The following CAPN3 variants were observed in gnomAD, a reference collection of about 807,000 sequenced individuals.
CAPN3 encodes calpain 3.
A neutral mutation model predicts 114.0 loss-of-function variants in CAPN3; 88 were observed. The ratio of observed to expected loss-of-function variants is 0.77; its 90% confidence interval spans 0.65 to 0.92. The LOEUF (loss-of-function observed/expected upper bound fraction) is 0.92, where lower values mean the gene tolerates loss of function less well. Ranked by LOEUF, CAPN3 falls within the 40% of genes least tolerant of loss-of-function variation. The pLI is 0.00. For synonymous variants in CAPN3, 386 were observed against 382.9 expected, an observed-to-expected ratio of 1.01 and a Z score of -0.09; for missense variants, 1,028 against 1,069.0, an observed-to-expected ratio of 0.96 and a Z score of 0.53.
chr15:42,401,548 T>C, intron 10 of CAPN3, 93 bp from the exon 11 acceptor site: 1 of 904,348 alleles, frequency 1.1e-6, no homozygotes, highest in South Asian at 1.3e-5. Context: ...CACCTAGATG[T>C]AGGGAATAGA....
intron 1 of CAPN3, among the ~76,000 whole-genome samples, chr15:42,383,701 C>T (rs1371942051): frequency 1.3e-5 from 2 of 151,796 alleles, no homozygotes; most frequent in African/African-American, 2.4e-5. Flanking sequence ...GTCTCAGCCT[C>T]CCAAGTAGCT....
At chr15:42,409,244 C>A in intron 16 of CAPN3, 59 bp from the exon 17 acceptor site, 1 of 1,535,754 alleles carries the variant, frequency 6.5e-7, no homozygotes, top group Non-Finnish European at 9.0e-7. Context: ...GAGGAGCTTG[C>A]CTCACAGGCC....
At chr15:42,387,726 GA>G (rs1246846782) in intron 3 of CAPN3, 26 bp from the exon 4 acceptor site, 1 of 1,614,134 alleles carries the variant, frequency 6.2e-7, no homozygotes, top group Non-Finnish European at 8.5e-7. Flanking sequence ...TTGAGTATGT[GA>G]CTCTGTGCGT....
Position 42,412,296 on chromosome 15 carries a change from A to G in CAPN3, c.*523A>G. 1 of 1,025,172 alleles carries G rather than the reference A, an allele frequency of 9.8e-7. No individual in the cohort carries two copies. The highest frequency in any genetic ancestry group is 2.6e-5 in the East Asian group (1 of 38,458). The allele number at this position is 1,025,172 out of a possible 1,614,324, so 63.5% of individuals were successfully genotyped here. On this transcript the variant is annotated 3_prime_UTR_variant, in exon 24 of 24. Transcript: ENST00000397163. ...CATTTTGAAAAAAGCTGATCTAAATAAAGGCATGTGTATGGCTGGTCCCCT... is the reference window on the plus strand; with the variant it reads ...CATTTTGAAAAAAGCTGATCTAAATGAAGGCATGTGTATGGCTGGTCCCCT...
chr15:42,388,975 C>A lies in CAPN3; in HGVS notation c.680C>A (p.Ala227Asp). The change falls in exon 5 of 24, where the codon GCC (alanine) becomes GAC (aspartate). Residue 227 changes from alanine (A) to aspartate (D), a missense_variant. Physicochemically the swap from Ala to Asp is moderately radical, Grantham distance 126 (BLOSUM62 -2). Transcript: ENST00000397163. ...EALKGGNTTEAMEDFTGGVAE... is the reference protein window; with the variant it reads ...EALKGGNTTEDMEDFTGGVAE... ...CTGAAAGGTGGGAACACCACAGAGG[C>A]CATGGAGGACTTCACAGGAGGGGTG... is the stretch of plus-strand genomic sequence containing the variant. 1 of 1,614,012 alleles carries A rather than the reference C, an allele frequency of 6.2e-7. No homozygotes were observed. Among genetic ancestry groups the A allele is most frequent in the South Asian group, 1.1e-5 (1 of 91,068 alleles).
intron 19 of CAPN3, 114 bp from the exon 20 acceptor site, chr15:42,410,314 G>A: frequency 2.1e-6 from 2 of 954,130 alleles, no homozygotes; most frequent in African/African-American, 1.6e-5. Flanking sequence ...TGGAGGGGAG[G>A]GTTAAATAGT....
chr15:42,387,869 G>A lies in CAPN3; in HGVS notation c.615G>A (p.Leu205=), dbSNP rs775983864. ...NHRNEFWSAL[L]EKAYAKLHGS... Reference sequence around the variant, plus strand: ...GCAATGAGTTCTGGAGTGCTCTGCTGGAGAAGGCTTATGCTAAGTAAGCAA... The same window carrying A: ...GCAATGAGTTCTGGAGTGCTCTGCTAGAGAAGGCTTATGCTAAGTAAGCAA... The change falls in exon 4 of 24, where the codon CTG becomes CTA. Residue 205 remains leucine (L), a synonymous_variant. Transcript: ENST00000397163. The A allele has an allele frequency of 1.2e-6, 2 of 1,614,176 alleles. No individual in the cohort carries two copies. Among genetic ancestry groups the A allele is most frequent in the South Asian group, 1.1e-5 (1 of 91,082 alleles).
chr15:42,396,848 G>C lies in CAPN3; in HGVS notation c.1164G>C (p.Gln388His). Reference protein sequence around the residue: ...FVDKDEKARLQHQVTEDGEFW... With the variant: ...FVDKDEKARLHHQVTEDGEFW... Reference sequence around the variant, plus strand: ...ACAAAGATGAGAAGGCCCGTCTGCAGCACCAGGTCACTGAGGATGGAGAGT... The same window carrying C: ...ACAAAGATGAGAAGGCCCGTCTGCACCACCAGGTCACTGAGGATGGAGAGT... The change falls in exon 9 of 24, where the codon CAG becomes CAC. Residue 388 changes from glutamine to histidine, a missense_variant. Gln to His is a conservative substitution (Grantham distance 24, BLOSUM62 0). Transcript: ENST00000397163. 6.2e-7 allele frequency: 1 copy of C among 1,613,992 alleles called. No individual in the cohort carries two copies. The highest frequency in any genetic ancestry group is 1.1e-5 in the South Asian group (1 of 91,086).
Position 42,408,231 on chromosome 15 carries a change from C to G in CAPN3, c.1821C>G (p.Asp607Glu). 6.2e-7 allele frequency: 1 copy of G among 1,613,474 alleles called. No individual in the cohort carries two copies. The highest frequency in any genetic ancestry group is 8.5e-7 in the Non-Finnish European group (1 of 1,179,622). The stretch of plus-strand genomic sequence containing the variant: ...TCCAGCCCATCATCTTCGTTTCGGA[C>G]AGAGCAAACAGCAACAAGGAGCTGG... The part of the protein sequence containing the change: ...KKTKPIIFVS[D>E]RANSNKELGV... The change falls in exon 16 of 24, where the codon GAC (aspartate) becomes GAG (glutamate). Residue 607 changes from aspartate (D) to glutamate (E), a missense_variant. Physicochemically the swap from Asp to Glu is conservative, Grantham distance 45. Transcript: ENST00000397163.
intron 2 of CAPN3, chr15:42,385,531 CAGAGAGAG>C (rs751078121): frequency 2.1e-4 from 75 of 361,042 alleles, no homozygotes; most frequent in South Asian, 3.0e-4. Flanking sequence ...TATACACACA[CAGAGAGAG>C]AGAGAGAGAG....
intron 1 of CAPN3, among the ~76,000 whole-genome samples, chr15:42,363,864 T>A (rs904531520): frequency 6.6e-6 from 1 of 152,246 alleles, no homozygotes; most frequent in East Asian, 1.9e-4. Flanking sequence ...GATCTCCCAG[T>A]TAGTGAGGGT....
chr15:42,408,314 A>G lies in CAPN3; in HGVS notation c.1904A>G (p.Gln635Arg). The stretch of plus-strand genomic sequence containing the variant: ...AAAACAAGCCCTGATAAGCAAAAGC[A>G]GTCCCCACAGGTGTCTGGGCATGTG... ...KGKTSPDKQK[Q>R]SPQPQPGSSD... Residue 635 changes from glutamine to arginine, a missense_variant, in exon 16 of 24, where the codon CAG becomes CGG. By Grantham distance (43) the Gln-to-Arg change is conservative (BLOSUM62 1). Transcript: ENST00000397163. 1 of 1,610,710 alleles carries G rather than the reference A, an allele frequency of 6.2e-7. No individual in the cohort carries two copies. Among genetic ancestry groups the G allele is most frequent in the Non-Finnish European group, 8.5e-7 (1 of 1,176,964 alleles).
intron 2 of CAPN3, chr15:42,385,529 C>A: frequency 2.6e-6 from 1 of 382,298 alleles, no homozygotes; most frequent in South Asian, 1.9e-5. Context: ...TATATACACA[C>A]ACAGAGAGAG....
chr15:42,409,025 G>C (rs2054115572), intron 16 of CAPN3: 1 of 504,092 alleles, frequency 2.0e-6, no homozygotes, highest in Non-Finnish European at 3.6e-6. Flanking sequence ...GGATGGTGGA[G>C]GGGGCTCTTG....
intron 7 of CAPN3, among the ~76,000 whole-genome samples, chr15:42,393,961 T>C (rs1228730004): frequency 2.6e-5 from 4 of 152,132 alleles, no homozygotes; most frequent in African/African-American, 9.7e-5. Context: ...CCCTACTGTT[T>C]ATGCCTCACC....
chr15:42,401,733 G>T lies in CAPN3; in HGVS notation c.1447G>T (p.Ala483Ser). 6.2e-7 allele frequency: 1 copy of T among 1,614,162 alleles called. No homozygotes were observed. Among genetic ancestry groups the T allele is most frequent in the South Asian group, 1.1e-5 (1 of 91,078 alleles). Residue 483 changes from alanine to serine, a missense_variant, in exon 11 of 24, where the codon GCC becomes TCC. Coordinates refer to ENST00000397163, the MANE Select transcript of CAPN3 (RefSeq NM_000070.3). ...DSEVICSFLV[A>S]LMQKNRRKDR... ...GGAGGTGATTTGCAGCTTCCTGGTG[G>T]CCCTGATGCAGAAGAACCGGCGGAA...
chr15:42,389,862 T>C (rs750516376), intron 5 of CAPN3, 91 bp from the exon 6 acceptor site: 10 of 1,350,932 alleles, frequency 7.4e-6, no homozygotes, highest in Non-Finnish European at 9.5e-6. Flanking sequence ...GTCTGTCCCA[T>C]CTCTTTCTCC....
intron 1 of CAPN3, among the ~76,000 whole-genome samples, chr15:42,364,849 TTC>T (rs2052738611): frequency 6.6e-6 from 1 of 152,202 alleles, no homozygotes; most frequent in Non-Finnish European, 1.5e-5. Context: ...CTTAAGCTTC[TTC>T]TCTCTCATCT....
intron 1 of CAPN3, among the ~76,000 whole-genome samples, chr15:42,372,316 T>C (rs1246021866): frequency 6.6e-6 from 1 of 152,114 alleles, no homozygotes; most frequent in East Asian, 1.9e-4. Flanking sequence ...TGCACCATAA[T>C]GCCTGGCTAA....
Sources: gnomAD v4.1 joint callset for allele counts (sites outside exome capture counted in the v4.1 genomes callset) on GRCh38, gnomAD v4.1.1 for gene constraint, MANE v1.5 for transcripts, NCBI Gene and HGNC (gene_info 2026-07-23, HGNC 2026-07-21) for gene names.